Variants in ATRN observed in about 807,000 individuals in gnomAD.
ATRN encodes the protein attractin-2.
Under a neutral mutation model 178.7 loss-of-function variants are expected in ATRN, and 54 were observed. The observed-to-expected ratio is 0.30, with a 90% confidence interval of 0.24 to 0.38. ATRN has a LOEUF of 0.38. Among genes scored for constraint, ATRN ranks in the 10% least tolerant of loss-of-function variants. ATRN has a pLI of 1.00. For missense variants in ATRN, 1,443 were observed against 1,815.1 expected (o/e 0.79, Z 3.73); for synonymous variants, 636 against 663.0 (o/e 0.96, Z 0.63).
rs2086212960 is a variant in ATRN at position 3,576,651 on chromosome 20, C to T, written c.2215-208C>T. On this transcript the variant is annotated intron_variant, in intron 13 of 28. Coordinates refer to ENST00000262919, the MANE Select transcript of ATRN (RefSeq NM_139321.3). ...GAACATTCCATTGCAGTGTTCCCCACTGCAGAGCTACTGCAACTTATCTAT... is the reference window on the plus strand; with the variant it reads ...GAACATTCCATTGCAGTGTTCCCCATTGCAGAGCTACTGCAACTTATCTAT... Among the ~76,000 whole-genome samples the T allele has an allele frequency of 7.3e-5, 11 of 150,592 alleles. No homozygotes were observed. The South Asian group carries it at 2.4e-3, about 32-fold the overall frequency.
intron 27 of ATRN, 50 bp from the exon 28 acceptor site, chr20:3,644,104 T>C (rs1244851905): frequency 7.4e-7 from 1 of 1,360,412 alleles, no homozygotes; most frequent in South Asian, 1.2e-5. Context: ...GTTGTCCGTA[T>C]ACATTAAAGC....
chr20:3,519,383 G>C (rs141110054), intron 1 of ATRN, among the ~76,000 whole-genome samples: 11 of 152,262 alleles, frequency 7.2e-5, no homozygotes, highest in African/African-American at 2.4e-4. Context: ...TTTAAAGAGA[G>C]TTAAATGTAC....
chr20:3,551,892 G>A, intron 6 of ATRN, among the ~76,000 whole-genome samples: 1 of 152,078 alleles, frequency 6.6e-6, no homozygotes, highest in East Asian at 1.9e-4. Flanking sequence ...GAAGTTTCAG[G>A]CATCATTCAA....
chr20:3,609,207 T>G (rs1568762255), intron 24 of ATRN, among the ~76,000 whole-genome samples: 1 of 152,156 alleles, frequency 6.6e-6, no homozygotes, highest in African/African-American at 2.4e-5. Flanking sequence ...CTTACATCAG[T>G]GTTTTATAGT....
chr20:3,548,822 T>G (rs866211299), intron 5 of ATRN, among the ~76,000 whole-genome samples: 1 of 152,118 alleles, frequency 6.6e-6, no homozygotes, highest in Non-Finnish European at 1.5e-5. Context: ...CTGGAACCAG[T>G]CCCCTGTGGA....
At chr20:3,612,774 T>A (rs1340033856) in intron 24 of ATRN, among the ~76,000 whole-genome samples, 1 of 152,216 alleles carries the variant, frequency 6.6e-6, no homozygotes, top group Non-Finnish European at 1.5e-5. Flanking sequence ...CTCTCCATAT[T>A]CTCAATCTAA....
intron 1 of ATRN, among the ~76,000 whole-genome samples, chr20:3,508,019 A>T (rs968232245): frequency 2.6e-5 from 4 of 151,894 alleles, no homozygotes; most frequent in African/African-American, 9.7e-5. Flanking sequence ...AAAAATCTTA[A>T]AGCAACCAGT....
intron 1 of ATRN, among the ~76,000 whole-genome samples, chr20:3,482,153 T>C (rs2084631147): frequency 6.6e-6 from 1 of 152,030 alleles, no homozygotes; most frequent in Non-Finnish European, 1.5e-5. Context: ...TTATAATGTC[T>C]ATTTTAAATA....
intron 22 of ATRN, among the ~76,000 whole-genome samples, chr20:3,598,901 A>G (rs1308246113): frequency 6.6e-6 from 1 of 152,242 alleles, no homozygotes; most frequent in Admixed American, 6.5e-5. Context: ...ATGGAAAACA[A>G]TATGGCAGTA....
At chr20:3,539,656 G>C (rs1156603523) in intron 2 of ATRN, among the ~76,000 whole-genome samples, 1 of 152,146 alleles carries the variant, frequency 6.6e-6, no homozygotes, top group Non-Finnish European at 1.5e-5. Flanking sequence ...TGCAGTTGGA[G>C]AGCAGAGACC....
intron 23 of ATRN, 37 bp downstream of exon 23, chr20:3,601,061 G>A (rs761721662): frequency 3.2e-6 from 5 of 1,542,508 alleles, no homozygotes; most frequent in African/African-American, 1.4e-5. Flanking sequence ...GCAAATGAAG[G>A]TGTGGTAGAT....
intron 1 of ATRN, among the ~76,000 whole-genome samples, chr20:3,514,402 G>T (rs2085178592): frequency 6.6e-6 from 1 of 152,050 alleles, no homozygotes; most frequent in African/African-American, 2.4e-5. Flanking sequence ...AAACCTGAAA[G>T]AAAAGGAAAA....
At position 3,638,723 on chromosome 20, in the gene ATRN, A is replaced by C; in HGVS notation, c.3943-105A>C. 1.1e-6 allele frequency: 1 copy of C among 904,640 alleles called. No individual in the cohort carries two copies. Among genetic ancestry groups the C allele is most frequent in the South Asian group, 1.7e-5 (1 of 59,606 alleles). 56.0% of individuals were successfully genotyped at this position (904,640 alleles called of 1,614,324 possible). On this transcript the variant is annotated intron_variant, in intron 26 of 28. Coordinates refer to ENST00000262919, the MANE Select transcript of ATRN (RefSeq NM_139321.3). This position sits in a 1 kb window ranked among gnomAD's most constrained non-coding sequence, Gnocchi z 4.5. ...TCTAAAAAGTATCATTTTGGACTTG[A>C]TTTGTTTGAATCAGGGAGGATGAGG... is the stretch of plus-strand genomic sequence containing the variant.
intron 6 of ATRN, among the ~76,000 whole-genome samples, chr20:3,549,911 A>C (rs2085762587): frequency 6.6e-6 from 1 of 152,202 alleles, no homozygotes; most frequent in African/African-American, 2.4e-5. Context: ...GCATCTGTTC[A>C]TTAAGGGATT....
At chr20:3,571,715 T>C (rs1283900712) in intron 11 of ATRN, among the ~76,000 whole-genome samples, 1 of 152,216 alleles carries the variant, frequency 6.6e-6, no homozygotes, top group Non-Finnish European at 1.5e-5. Flanking sequence ...CCCCGCTCTA[T>C]GTTAGGGATA....
In ATRN at chr20:3,572,740, T is replaced by C. The variant is rs111658655; in HGVS notation, c.1881T>C (p.Tyr627=). The C allele has an allele frequency of 1.1e-5, 17 of 1,613,798 alleles. No homozygotes were observed. In the South Asian group the frequency reaches 1.6e-4, roughly 16 times the overall value. The change falls in exon 12 of 29, where the codon TAT becomes TAC. Residue 627 remains tyrosine, a synonymous_variant. Transcript: ENST00000262919. Reference sequence around the variant, plus strand: ...CCCTTTTTCCTCTTAGCACCATGTATGTGTTCGGTGGTTTCAATAGTCTCC... The same window carrying C: ...CCCTTTTTCCTCTTAGCACCATGTACGTGTTCGGTGGTTTCAATAGTCTCC... The part of the protein sequence containing the change: ...HSAVLHNSTM[Y]VFGGFNSLLL...
At chr20:3,514,879 C>T (rs2085185623) in intron 1 of ATRN, among the ~76,000 whole-genome samples, 1 of 152,144 alleles carries the variant, frequency 6.6e-6, no homozygotes, top group South Asian at 2.1e-4. Flanking sequence ...ATCGCTTGAG[C>T]CCGGTTGGTT....
At chr20:3,535,588 TACACACACACACAC>T (rs11468707) in intron 2 of ATRN, among the ~76,000 whole-genome samples, 5,810 of 143,198 alleles carry the variant, frequency 0.041, 138 homozygotes, top group Non-Finnish European at 0.058. Context: ...CAGAAACGGT[TACACACACACACAC>T]ACACACACAC....
intron 11 of ATRN, among the ~76,000 whole-genome samples, chr20:3,572,090 C>G (rs147634170): frequency 3.3e-5 from 5 of 152,272 alleles, no homozygotes; most frequent in Non-Finnish European, 7.4e-5. Flanking sequence ...TAAGATGCCA[C>G]TTTTACTGTG....
Sources: allele counts gnomAD v4.1 joint callset (sites outside exome capture counted in the v4.1 genomes callset), GRCh38; gene constraint gnomAD v4.1.1; non-coding constraint Gnocchi (gnomAD v3.1); transcripts MANE v1.5; gene names NCBI Gene and HGNC (gene_info 2026-07-23, HGNC 2026-07-21).